The following FAM135B variants were observed in gnomAD, a reference collection of about 807,000 sequenced individuals.
FAM135B encodes the protein protein FAM135B.
A neutral mutation model predicts 127.7 loss-of-function variants in FAM135B; 43 were observed. That is an observed-to-expected ratio of 0.34 (90% confidence interval 0.26 to 0.43). FAM135B has a LOEUF of 0.43. Among genes scored for constraint, FAM135B ranks in the 20% least tolerant of loss-of-function variants. The pLI is 1.00. For synonymous variants in FAM135B, 670 were observed against 665.1 expected (o/e 1.01, Z -0.11); for missense variants, 1,558 against 1,725.6 (o/e 0.90, Z 1.72).
intron 7 of FAM135B, 66 bp from the exon 8 acceptor site, chr8:138,197,735 GATGCTCC>G: frequency 6.5e-7 from 1 of 1,547,008 alleles, no homozygotes; most frequent in South Asian, 1.2e-5. Context: ...ACAGGGCTGT[GATGCTCC>G]ATCCACCCGC....
chr8:138,371,370 A>G (rs1831107482), intron 1 of FAM135B, among the ~76,000 whole-genome samples: 1 of 152,134 alleles, frequency 6.6e-6, no homozygotes, highest in East Asian at 1.9e-4. Flanking sequence ...ACACAGATAC[A>G]TACAATATGC....
chr8:138,256,665 T>G (rs753017769), intron 5 of FAM135B, 24 bp downstream of exon 5: 1 of 1,605,158 alleles, frequency 6.2e-7, no homozygotes, highest in East Asian at 2.2e-5. Context: ...GCTACTACAA[T>G]TCAATAATTT....
chr8:138,285,215 C>T (rs186194821), intron 3 of FAM135B, among the ~76,000 whole-genome samples: 4 of 127,704 alleles, frequency 3.1e-5, no homozygotes, highest in East Asian at 5.2e-4. Flanking sequence ...GGTGCAATCT[C>T]GACTCACCGC....
intron 3 of FAM135B, among the ~76,000 whole-genome samples, chr8:138,299,997 T>C (rs543708814): frequency 6.6e-6 from 1 of 152,216 alleles, no homozygotes; most frequent in South Asian, 2.1e-4. Flanking sequence ...AGACGGAATC[T>C]CGCTCTATCG....
At chr8:138,476,710 T>TAAATTA (rs1479647489) in intron 1 of FAM135B, among the ~76,000 whole-genome samples, 2 of 152,140 alleles carry the variant, frequency 1.3e-5, no homozygotes, top group Non-Finnish European at 2.9e-5. Flanking sequence ...GCCTAGCCTA[T>TAAATTA]AAATTAAAGG....
At chr8:138,143,678 G>C (rs1817410660) in intron 15 of FAM135B, among the ~76,000 whole-genome samples, 4 of 152,214 alleles carry the variant, frequency 2.6e-5, no homozygotes, top group Admixed American at 2.0e-4. Flanking sequence ...CAACAAGGAA[G>C]ATATATTAGA....
chr8:138,155,646 C>T (rs1420646725), intron 12 of FAM135B, among the ~76,000 whole-genome samples: 2 of 152,092 alleles, frequency 1.3e-5, no homozygotes, highest in Non-Finnish European at 2.9e-5. Context: ...GGTTGCAATC[C>T]TAGTCTCTGA....
intron 1 of FAM135B, among the ~76,000 whole-genome samples, chr8:138,435,534 C>T (rs1835412352): frequency 6.6e-6 from 1 of 152,134 alleles, no homozygotes; most frequent in Non-Finnish European, 1.5e-5. Flanking sequence ...TATTGAATTA[C>T]ATTACTTATT....
intron 3 of FAM135B, among the ~76,000 whole-genome samples, chr8:138,273,932 C>A (rs1350601839): frequency 6.6e-6 from 1 of 152,122 alleles, no homozygotes; most frequent in East Asian, 1.9e-4. Flanking sequence ...ACAAGCTGAG[C>A]ACTCTCAAAT....
intron 12 of FAM135B, among the ~76,000 whole-genome samples, chr8:138,154,004 A>C (rs1165192132): frequency 1.3e-5 from 2 of 152,098 alleles, no homozygotes; most frequent in Non-Finnish European, 2.9e-5. Flanking sequence ...TGGGTCCCTG[A>C]CCCCCGAGTA....
chr8:138,383,386 G>A (rs932334930), intron 1 of FAM135B, among the ~76,000 whole-genome samples: 2 of 152,214 alleles, frequency 1.3e-5, no homozygotes, highest in South Asian at 2.1e-4. Flanking sequence ...AAAGGTTAGC[G>A]ATTAAGGATA....
At chr8:138,176,135 G>A (rs1814441988) in intron 11 of FAM135B, among the ~76,000 whole-genome samples, 1 of 152,226 alleles carries the variant, frequency 6.6e-6, no homozygotes, top group African/African-American at 2.4e-5. Flanking sequence ...CATGTAATCT[G>A]AGTGCTGGGT....
chr8:138,338,703 G>A (rs907469361), intron 2 of FAM135B, among the ~76,000 whole-genome samples: 14 of 151,776 alleles, frequency 9.2e-5, no homozygotes, highest in Admixed American at 1.3e-4. Flanking sequence ...TCAGTGTGGC[G>A]ATTCCTCAGG....
chr8:138,223,931 A>G (rs1819216257), intron 7 of FAM135B, among the ~76,000 whole-genome samples: 1 of 152,178 alleles, frequency 6.6e-6, no homozygotes, highest in African/African-American at 2.4e-5. Flanking sequence ...AAATTAACAC[A>G]GGAACAGAGA....
Position 138,151,924 on chromosome 8 carries a change from T to C in FAM135B, c.2551A>G (p.Lys851Glu), listed in dbSNP as rs753746987. The change falls in exon 13 of 20, where the codon AAA (lysine) becomes GAA (glutamate). Residue 851 changes from lysine (K) to glutamate (E), a missense_variant. Transcript: ENST00000395297. The stretch of plus-strand genomic sequence containing the variant: ...CCTTGAGCATCAAACTGCTTCCCTT[T>C]CCCTTTGGGGATGTCTATGTATCCG... Reference protein sequence around the residue: ...GPGYIDIPKGKGKQFDAQGHC... With the variant: ...GPGYIDIPKGEGKQFDAQGHC... 9.3e-6 allele frequency: 15 copies of C among 1,614,184 alleles called. No homozygotes were observed. The South Asian group carries it at 1.6e-4, about 18-fold the overall frequency.
chr8:138,380,310 G>A (rs1222966759), intron 1 of FAM135B, among the ~76,000 whole-genome samples: 1 of 152,018 alleles, frequency 6.6e-6, no homozygotes, highest in Non-Finnish European at 1.5e-5. Flanking sequence ...CGATTCTCCT[G>A]CCTCAGCCTC....
At chr8:138,482,957 T>G (rs1814844647) in intron 1 of FAM135B, among the ~76,000 whole-genome samples, 1 of 152,150 alleles carries the variant, frequency 6.6e-6, no homozygotes, top group South Asian at 2.1e-4. Context: ...AGAATTCATT[T>G]AATGACTCCA....
In FAM135B at chr8:138,195,235, C is replaced by T. The variant is rs1182369115; in HGVS notation, c.873+23G>A. The T allele has an allele frequency of 8.1e-6, 13 of 1,611,766 alleles. No homozygotes were observed. In the East Asian group the frequency reaches 1.6e-4, roughly 19 times the overall value. On this transcript the variant is annotated intron_variant, in intron 9 of 19. Coordinates refer to ENST00000395297, the MANE Select transcript of FAM135B (RefSeq NM_015912.4). ...CAAAACTACTGCCATTCATTCAGAC[C>T]CCAGCGCCAGTTCTCCAATTACCTG...
intron 12 of FAM135B, among the ~76,000 whole-genome samples, chr8:138,160,233 G>A (rs13280315): frequency 0.68 from 103,010 of 151,406 alleles, 35,056 homozygotes; most frequent in East Asian, 0.76. Flanking sequence ...ATAAAAATGC[G>A]ATCAAATTTA....
Sources: allele counts gnomAD v4.1 joint callset (sites outside exome capture counted in the v4.1 genomes callset), GRCh38; gene constraint gnomAD v4.1.1; transcripts MANE v1.5; gene names NCBI Gene and HGNC (gene_info 2026-07-23, HGNC 2026-07-21).